The following SLC5A4 variants were observed in gnomAD, a reference collection of about 807,000 sequenced individuals.
SLC5A4 encodes solute carrier family 5 member 4, also known as probable glucose sensor protein SLC5A4.
A neutral mutation model predicts 70.3 loss-of-function variants in SLC5A4; 55 were observed. The ratio of observed to expected loss-of-function variants is 0.78; its 90% confidence interval spans 0.63 to 0.98. The LOEUF is 0.98. SLC5A4 is among the 50% of genes least tolerant of loss of function. The pLI, the probability that SLC5A4 is intolerant of heterozygous loss-of-function variation, is 0.00. For missense variants in SLC5A4, 735 were observed against 839.2 expected (o/e 0.88, Z 1.53); for synonymous variants, 268 against 305.7 (o/e 0.88, Z 1.29).
At chr22:32,291,864 TTTTTC>T in the SLC5A4 span, among the ~76,000 whole-genome samples, 1 of 62,244 alleles carries the variant, frequency 1.6e-5, no homozygotes, top group Non-Finnish European at 3.5e-5. Context: ...ATATAATTTA[TTTTTC>T]TTTTCTATCT....
chr22:32,311,054 C>T, the SLC5A4 span, among the ~76,000 whole-genome samples: 12 of 152,308 alleles, frequency 7.9e-5, no homozygotes, highest in South Asian at 2.1e-4. Flanking sequence ...CTATCTTTAA[C>T]GCCCATTACT....
the SLC5A4 span, among the ~76,000 whole-genome samples, chr22:32,338,415 G>A: frequency 6.6e-6 from 1 of 152,138 alleles, no homozygotes; most frequent in African/African-American, 2.4e-5. Flanking sequence ...TTGGGAGGCC[G>A]AGGCAGGTGG....
At chr22:32,353,184 C>T in the SLC5A4 span, among the ~76,000 whole-genome samples, 8 of 152,172 alleles carry the variant, frequency 5.3e-5, no homozygotes, top group African/African-American at 1.9e-4. Flanking sequence ...GGACTGGAGA[C>T]ACCACAGTGC....
chr22:32,254,260 C>T, intron 1 of SLC5A4, 47 bp from the exon 2 acceptor site: 2 of 1,369,612 alleles, frequency 1.5e-6, no homozygotes, highest in Non-Finnish European at 2.1e-6. Flanking sequence ...AGCAAGTGCA[C>T]CCAGACACCC....
chr22:32,256,796 C>T (rs1019725396), upstream of SLC5A4, among the ~76,000 whole-genome samples: 1 of 152,186 alleles, frequency 6.6e-6, no homozygotes, highest in African/African-American at 2.4e-5. Flanking sequence ...ATATATACCA[C>T]ATTTTGTTTA....
At chr22:32,291,599 C>G in the SLC5A4 span, among the ~76,000 whole-genome samples, 1 of 152,108 alleles carries the variant, frequency 6.6e-6, no homozygotes, top group South Asian at 2.1e-4. Context: ...GAACATGGTA[C>G]GTCTCTTCAT....
the SLC5A4 span, among the ~76,000 whole-genome samples, chr22:32,290,714 G>A: frequency 6.6e-6 from 1 of 152,108 alleles, no homozygotes; most frequent in Admixed American, 6.5e-5. Flanking sequence ...CTCGCTCTCT[G>A]CCTCCAAGAT....
At chr22:32,291,749 T>C in the SLC5A4 span, among the ~76,000 whole-genome samples, 1 of 151,996 alleles carries the variant, frequency 6.6e-6, no homozygotes, top group African/African-American at 2.4e-5. Flanking sequence ...CTTTTCATTA[T>C]GATTTATTCC....
the SLC5A4 span, among the ~76,000 whole-genome samples, chr22:32,321,628 C>G: frequency 6.1e-4 from 93 of 152,312 alleles, no homozygotes; most frequent in African/African-American, 1.9e-3. Flanking sequence ...CACCTTCCGC[C>G]CTTCAGTGGG....
chr22:32,232,774 C>T, intron 9 of SLC5A4, 125 bp downstream of exon 9: 2 of 1,252,038 alleles, frequency 1.6e-6, no homozygotes, highest in Non-Finnish European at 2.2e-6. Context: ...AGGCTGCTCC[C>T]TCCACCTGGA....
the SLC5A4 span, among the ~76,000 whole-genome samples, chr22:32,300,623 C>T: frequency 3.3e-3 from 494 of 151,726 alleles, 3 homozygotes; most frequent in African/African-American, 0.011. Flanking sequence ...CTGTCTTCTG[C>T]GTCACTCACG....
the SLC5A4 span, among the ~76,000 whole-genome samples, chr22:32,262,904 G>A: frequency 1.6e-3 from 244 of 151,802 alleles, no homozygotes; most frequent in African/African-American, 5.4e-3. Flanking sequence ...CGAGTAGCTG[G>A]GACTACAGGT....
upstream of SLC5A4, among the ~76,000 whole-genome samples, chr22:32,259,973 C>T (rs529239530): frequency 6.6e-6 from 1 of 152,336 alleles, no homozygotes; most frequent in African/African-American, 2.4e-5. Context: ...AGGGCGATGC[C>T]TGCCCCGACC....
the SLC5A4 span, among the ~76,000 whole-genome samples, chr22:32,329,163 T>TCTGCTTCA: frequency 6.6e-6 from 1 of 152,206 alleles, no homozygotes; most frequent in Non-Finnish European, 1.5e-5. Context: ...GGAGAGTTGT[T>TCTGCTTCA]GGGAGGCAAC....
At chr22:32,343,941 C>A in the SLC5A4 span, among the ~76,000 whole-genome samples, 12 of 152,240 alleles carry the variant, frequency 7.9e-5, no homozygotes, top group South Asian at 1.0e-3. Flanking sequence ...TATATCTCCA[C>A]CCACATCTTA....
At chr22:32,247,223 C>G (rs974033626) in intron 5 of SLC5A4, among the ~76,000 whole-genome samples, 188 bp downstream of exon 5, 1 of 152,184 alleles carries the variant, frequency 6.6e-6, no homozygotes, top group African/African-American at 2.4e-5. Flanking sequence ...TCTACGAACA[C>G]AGGGTCTTTG....
At chr22:32,341,262 G>C in the SLC5A4 span, among the ~76,000 whole-genome samples, 3 of 152,110 alleles carry the variant, frequency 2.0e-5, no homozygotes, top group African/African-American at 7.2e-5. Flanking sequence ...GTGGAGATGA[G>C]AGAGAAGTTA....
chr22:32,292,984 C>A, the SLC5A4 span, among the ~76,000 whole-genome samples: 1 of 152,122 alleles, frequency 6.6e-6, no homozygotes, highest in African/African-American at 2.4e-5. Flanking sequence ...AAGATAGTGA[C>A]ATTTTCTTGT....
chr22:32,257,055 A>G (rs1357017981), upstream of SLC5A4, among the ~76,000 whole-genome samples: 2 of 152,232 alleles, frequency 1.3e-5, no homozygotes, highest in African/African-American at 2.4e-5. Context: ...TAATTTCTCC[A>G]TATCCTCTTC....
Sources: gnomAD v4.1 joint callset for allele counts (sites outside exome capture counted in the v4.1 genomes callset) on GRCh38, gnomAD v4.1.1 for gene constraint, MANE v1.5 for transcripts, NCBI Gene and HGNC (gene_info 2026-07-23, HGNC 2026-07-21) for gene names.